The following MAPK10 variants were observed in gnomAD, a reference collection of about 807,000 sequenced individuals.
The protein encoded by MAPK10 is JNK3 alpha protein kinase.
In MAPK10, 25 loss-of-function variants were observed where a neutral mutation model predicts 59.3. The ratio of observed to expected loss-of-function variants is 0.42; its 90% CI spans 0.31 to 0.59. MAPK10 has a LOEUF of 0.59. Among genes scored for constraint, MAPK10 ranks in the 20% least tolerant of loss-of-function variants. The pLI, the probability that MAPK10 is intolerant of heterozygous loss-of-function variation, is 0.15. For missense variants in MAPK10, 351 were observed against 568.9 expected (o/e 0.62, Z 3.90); for synonymous variants, 190 against 200.5 (o/e 0.95, Z 0.44).
intron 1 of MAPK10, among the ~76,000 whole-genome samples, chr4:86,438,319 G>A (rs185177955): frequency 2.6e-4 from 39 of 152,248 alleles, no homozygotes; most frequent in Middle Eastern, 6.8e-3. Context: ...TTATCTTTAT[G>A]ATGATCATAT....
intron 1 of MAPK10, among the ~76,000 whole-genome samples, chr4:86,372,542 A>C (rs1738945977): frequency 1.4e-5 from 1 of 70,428 alleles, no homozygotes; most frequent in Non-Finnish European, 2.7e-5. Context: ...GAAAGAAAGA[A>C]AGAAAGAAAG....
intron 2 of MAPK10, among the ~76,000 whole-genome samples, chr4:86,248,492 G>A (rs1161026145): frequency 2.6e-5 from 4 of 152,116 alleles, no homozygotes; most frequent in Non-Finnish European, 5.9e-5. Flanking sequence ...TATAGGCACT[G>A]GGAATTTTAT....
At chr4:86,050,321 G>A (rs1167375693) in intron 11 of MAPK10, among the ~76,000 whole-genome samples, 1 of 152,118 alleles carries the variant, frequency 6.6e-6, no homozygotes, top group East Asian at 1.9e-4. Flanking sequence ...CAGAAACTAT[G>A]TCTTTTTATC....
intron 1 of MAPK10, among the ~76,000 whole-genome samples, chr4:86,550,236 C>T (rs1222989680): frequency 2.6e-5 from 4 of 151,982 alleles, no homozygotes; most frequent in Non-Finnish European, 4.4e-5. Flanking sequence ...GGAGATTCAA[C>T]GCCCTTAAAG....
chr4:86,172,288 G>A (rs1161813306), intron 3 of MAPK10, among the ~76,000 whole-genome samples: 8 of 144,346 alleles, frequency 5.5e-5, no homozygotes, highest in Non-Finnish European at 1.0e-4. Flanking sequence ...TGTTTATTGC[G>A]GCACTATTCA....
chr4:86,200,609 T>C (rs2082401043), intron 2 of MAPK10, among the ~76,000 whole-genome samples: 1 of 151,948 alleles, frequency 6.6e-6, no homozygotes, highest in Non-Finnish European at 1.5e-5. Context: ...CTATGATCAT[T>C]TATGAACGTG....
chr4:86,154,475 C>T (rs893549403), intron 4 of MAPK10, among the ~76,000 whole-genome samples: 1 of 152,086 alleles, frequency 6.6e-6, no homozygotes, highest in African/African-American at 2.4e-5. Flanking sequence ...ATACAATATA[C>T]ACAGTGTGAT....
intron 1 of MAPK10, among the ~76,000 whole-genome samples, chr4:86,427,523 C>T (rs563264681): frequency 2.0e-5 from 3 of 152,188 alleles, no homozygotes; most frequent in African/African-American, 7.2e-5. Context: ...ATCTCTGAAT[C>T]CATAGGACCT....
At chr4:86,592,305 G>A (rs918702099) in intron 1 of MAPK10, among the ~76,000 whole-genome samples, 2 of 151,776 alleles carry the variant, frequency 1.3e-5, no homozygotes, top group African/African-American at 4.8e-5. Context: ...CCAAAACAGA[G>A]GGATTACTGG....
chr4:86,529,550 TTTTTC>T (rs1311570751), intron 1 of MAPK10, among the ~76,000 whole-genome samples: 2 of 152,198 alleles, frequency 1.3e-5, no homozygotes, highest in Non-Finnish European at 2.9e-5. Flanking sequence ...TGTCTGTTTA[TTTTTC>T]TTTTCAAGTT....
chr4:86,322,489 A>C (rs767457713), intron 2 of MAPK10, among the ~76,000 whole-genome samples: 8 of 152,196 alleles, frequency 5.3e-5, no homozygotes, highest in Non-Finnish European at 1.0e-4. Context: ...CCTATAAAAA[A>C]GTCTAACATC....
chr4:86,386,442 G>T (rs1417392965), intron 1 of MAPK10, among the ~76,000 whole-genome samples: 2 of 152,152 alleles, frequency 1.3e-5, no homozygotes, highest in African/African-American at 2.4e-5. Flanking sequence ...CCTAGTCCAG[G>T]ACTGCAGGGA....
chr4:86,568,890 A>G (rs1761251670), intron 1 of MAPK10, among the ~76,000 whole-genome samples: 1 of 151,950 alleles, frequency 6.6e-6, no homozygotes, highest in Non-Finnish European at 1.5e-5. Flanking sequence ...CTGGGCTAAG[A>G]ATTTATGACT....
At chr4:86,224,698 C>A (rs1286601154) in intron 2 of MAPK10, among the ~76,000 whole-genome samples, 1 of 152,158 alleles carries the variant, frequency 6.6e-6, no homozygotes. Flanking sequence ...TGTATACCTT[C>A]CCTTTCTTTG....
At chr4:86,554,777 T>G (rs954942763) in intron 1 of MAPK10, among the ~76,000 whole-genome samples, 1 of 152,188 alleles carries the variant, frequency 6.6e-6, no homozygotes, top group Non-Finnish European at 1.5e-5. Context: ...CAATTTCCCC[T>G]GATTTTCCAC....
intron 3 of MAPK10, among the ~76,000 whole-genome samples, chr4:86,189,478 G>T (rs1013370282): frequency 6.6e-6 from 1 of 152,006 alleles, no homozygotes; most frequent in Non-Finnish European, 1.5e-5. Context: ...CCTTTTAATT[G>T]TATTCCTAGG....
At chr4:86,277,636 G>T (rs2094628256) in intron 2 of MAPK10, among the ~76,000 whole-genome samples, 1 of 152,066 alleles carries the variant, frequency 6.6e-6, no homozygotes. Flanking sequence ...AGTTATATTT[G>T]CAAGCAAAGT....
chr4:86,441,503 A>G (rs1749424557), intron 1 of MAPK10, among the ~76,000 whole-genome samples: 1 of 152,236 alleles, frequency 6.6e-6, no homozygotes, highest in South Asian at 2.1e-4. Context: ...CTATTTCACA[A>G]TAGAAATTTC....
intron 2 of MAPK10, among the ~76,000 whole-genome samples, chr4:86,320,181 A>T (rs2095862179): frequency 6.6e-6 from 1 of 152,212 alleles, no homozygotes; most frequent in South Asian, 2.1e-4. Context: ...CATCCGTAAA[A>T]TGTAGCTATC....
Sources: gnomAD v4.1 joint callset for allele counts (sites outside exome capture counted in the v4.1 genomes callset) on GRCh38, gnomAD v4.1.1 for gene constraint, MANE v1.5 for transcripts, NCBI Gene and HGNC (gene_info 2026-07-23, HGNC 2026-07-21) for gene names.